The following TNFAIP8 variants were observed in gnomAD, a reference collection of about 807,000 sequenced individuals.
TNFAIP8 encodes the protein tumor necrosis factor alpha-induced protein 8.
TNFAIP8 carries 7 observed loss-of-function variants against 13.3 expected under a neutral mutation model. That is an observed-to-expected ratio of 0.52 (90% CI 0.30 to 0.99). The LOEUF is 0.99. Among genes scored for constraint, TNFAIP8 ranks in the 50% least tolerant of loss-of-function variants. The probability of loss-of-function intolerance (pLI) is 0.07; values close to 1 mark genes in which losing one functional copy is unlikely to be tolerated. For synonymous variants in TNFAIP8, 94 were observed against 87.6 expected (o/e 1.07, Z -0.41); for missense variants, 258 against 236.9 (o/e 1.09, Z -0.58).
intron 1 of TNFAIP8, among the ~76,000 whole-genome samples, chr5:119,376,991 C>T (rs1366981942): frequency 6.6e-6 from 1 of 152,136 alleles, no homozygotes; most frequent in African/African-American, 2.4e-5. Flanking sequence ...GCCTATATTG[C>T]TGCTTGACGT....
chr5:119,308,362 C>A (rs1440210536), intron 1 of TNFAIP8, among the ~76,000 whole-genome samples: 1 of 144,214 alleles, frequency 6.9e-6, no homozygotes, highest in Non-Finnish European at 1.5e-5. Context: ...GCTTTGAAAT[C>A]TATATTTTTC....
chr5:119,374,295 T>C (rs1752197650), intron 1 of TNFAIP8, among the ~76,000 whole-genome samples: 1 of 152,236 alleles, frequency 6.6e-6, no homozygotes, highest in Non-Finnish European at 1.5e-5. Context: ...CATTTTGTTT[T>C]AGTGAGTGCC....
At chr5:119,301,876 C>G (rs1360490876) in intron 1 of TNFAIP8, among the ~76,000 whole-genome samples, 1 of 152,114 alleles carries the variant, frequency 6.6e-6, no homozygotes, top group African/African-American at 2.4e-5. Context: ...TTCCCTACTC[C>G]AAGATCTCAT....
At position 119,399,368 on chromosome 5, in the gene TNFAIP8, C is replaced by G. The variant is rs929425061; in HGVS notation, c.*5987C>G. The G allele has an allele frequency of 6.6e-6, 1 of 152,154 alleles. No individual in the cohort carries two copies. The highest frequency in any genetic ancestry group is 2.4e-5 in the African/African-American group (1 of 41,434). The allele number at this position is 152,154 out of a possible 1,614,324, so 9.4% of individuals were successfully genotyped here. A position where few individuals can be genotyped will look rare whatever the true frequency, so the allele number is the denominator to read the frequency against. ...TGCATAAGAGCAATTACCTCATATTCTAATTTTAAAGATACAATTTTTAAA... is the reference window on the plus strand; with the variant it reads ...TGCATAAGAGCAATTACCTCATATTGTAATTTTAAAGATACAATTTTTAAA... On this transcript the variant is annotated 3_prime_UTR_variant, in exon 2 of 2. Transcript: ENST00000504771.
At position 119,399,379 on chromosome 5, in the gene TNFAIP8, G is replaced by T. The variant is rs545071218; in HGVS notation, c.*5998G>T. On this transcript the variant is annotated 3_prime_UTR_variant, in exon 2 of 2. Coordinates refer to ENST00000504771, the MANE Select transcript of TNFAIP8 (RefSeq NM_014350.4). ...AATTACCTCATATTCTAATTTTAAA[G>T]ATACAATTTTTAAAGACATGGAAGG... 2.6e-5 allele frequency: 4 copies of T among 152,300 alleles called. No homozygotes were observed. In the South Asian group the frequency reaches 8.3e-4, roughly 32 times the overall value. 9.4% of individuals were successfully genotyped at this position (152,300 alleles called of 1,614,324 possible).
At chr5:119,368,760 G>A (rs1412156726) in intron 1 of TNFAIP8, among the ~76,000 whole-genome samples, 1 of 152,092 alleles carries the variant, frequency 6.6e-6, no homozygotes, top group East Asian at 1.9e-4. Flanking sequence ...AATTTCATTT[G>A]CCAAACTTAG....
intron 1 of TNFAIP8, among the ~76,000 whole-genome samples, chr5:119,374,127 A>T (rs774466636): frequency 6.6e-6 from 1 of 152,222 alleles, no homozygotes; most frequent in Non-Finnish European, 1.5e-5. Flanking sequence ...CCATAAGTTA[A>T]AGTAAAATAC....
chr5:119,380,933 G>A (rs1365606444), intron 1 of TNFAIP8, among the ~76,000 whole-genome samples: 1 of 152,150 alleles, frequency 6.6e-6, no homozygotes, highest in Non-Finnish European at 1.5e-5. Context: ...AATCTTGAGA[G>A]GGAATTAAAT....
upstream of TNFAIP8, among the ~76,000 whole-genome samples, chr5:119,353,761 C>A (rs932658978): frequency 2.0e-5 from 3 of 152,128 alleles, no homozygotes; most frequent in African/African-American, 7.2e-5. Context: ...GTTGGACTTG[C>A]AAAATGACAT....
At chr5:119,298,899 C>T (rs1383015098) in intron 1 of TNFAIP8, among the ~76,000 whole-genome samples, 9 of 152,142 alleles carry the variant, frequency 5.9e-5, no homozygotes, top group African/African-American at 1.9e-4. Flanking sequence ...TTGATCTCAT[C>T]GGCTCCTGAG....
chr5:119,393,168 A>G lies in TNFAIP8; in HGVS notation c.384A>G (p.Leu128=). Residue 128 remains leucine, a synonymous_variant, in exon 2 of 2, where the codon TTA becomes TTG. Coordinates refer to ENST00000504771, the MANE Select transcript of TNFAIP8 (RefSeq NM_014350.4). ...QVDYTFDRNV[L]SRLLNECREM... is the part of the protein sequence containing the mutation. Reference sequence around the variant, plus strand: ...ATTATACCTTTGACCGGAATGTGTTATCCAGGCTGTTAAATGAATGCAGAG... The same window carrying G: ...ATTATACCTTTGACCGGAATGTGTTGTCCAGGCTGTTAAATGAATGCAGAG... The G allele has an allele frequency of 1.2e-6, 2 of 1,614,038 alleles. No homozygotes were observed. Among genetic ancestry groups the G allele is most frequent in the Non-Finnish European group, 1.7e-6 (2 of 1,179,890 alleles).
intron 1 of TNFAIP8, among the ~76,000 whole-genome samples, chr5:119,304,843 A>T (rs1407778242): frequency 2.0e-5 from 3 of 152,254 alleles, no homozygotes; most frequent in Non-Finnish European, 4.4e-5. Flanking sequence ...AAATTGATTG[A>T]AGTGATAAAT....
At chr5:119,296,193 C>T (rs1378206817) in intron 1 of TNFAIP8, among the ~76,000 whole-genome samples, 1 of 151,458 alleles carries the variant, frequency 6.6e-6, no homozygotes, top group Non-Finnish European at 1.5e-5. Flanking sequence ...GAGGGCATCC[C>T]TGTCTTGTGC....
chr5:119,318,246 A>G (rs930544148), intron 1 of TNFAIP8, among the ~76,000 whole-genome samples: 1 of 151,712 alleles, frequency 6.6e-6, no homozygotes, highest in Non-Finnish European at 1.5e-5. Flanking sequence ...GGGGATTTCA[A>G]GTGGTACCTT....
In TNFAIP8 at chr5:119,326,239, T is replaced by G. The variant is rs1191459225; in HGVS notation, c.1+57332T>G. On this transcript the variant is annotated intron_variant, in intron 1 of 1. Coordinates refer to the TNFAIP8 transcript ENST00000274456. ...TGAGGTGTGTATAGTGATGGTTACC[T>G]CTTGGAGCCAAACATGGCTATCTCT... Among the ~76,000 whole-genome samples the G allele has an allele frequency of 2.0e-5, 3 of 152,198 alleles. No homozygotes were observed. In the East Asian group the frequency reaches 5.8e-4, roughly 29 times the overall value.
intron 1 of TNFAIP8, among the ~76,000 whole-genome samples, chr5:119,382,544 T>C (rs1172786610): frequency 6.6e-6 from 1 of 152,210 alleles, no homozygotes; most frequent in Non-Finnish European, 1.5e-5. Flanking sequence ...ACGTTTACAG[T>C]ATCTACCATA....
intron 1 of TNFAIP8, among the ~76,000 whole-genome samples, chr5:119,287,855 C>T (rs957840139): frequency 1.4e-4 from 21 of 152,106 alleles, no homozygotes; most frequent in Non-Finnish European, 7.3e-5. Context: ...GTTTCTTTCC[C>T]CATGCAGGGA....
intron 1 of TNFAIP8, among the ~76,000 whole-genome samples, chr5:119,275,992 A>T (rs1268175716): frequency 6.6e-6 from 1 of 152,154 alleles, no homozygotes; most frequent in African/African-American, 2.4e-5. Context: ...AATGAGGCAG[A>T]TAGAGGAGGT....
At position 119,392,912 on chromosome 5, in the gene TNFAIP8, T is replaced by C. The variant is rs1341567954; in HGVS notation, c.128T>C (p.Ile43Thr). The C allele has an allele frequency of 1.9e-6, 3 of 1,600,926 alleles. No individual in the cohort carries two copies. Among genetic ancestry groups the C allele is most frequent in the Admixed American group, 1.7e-5 (1 of 57,802 alleles). Residue 43 changes from isoleucine to threonine, a missense_variant, in exon 2 of 2, where the codon ATA becomes ACA. Physicochemically the swap from Ile to Thr is moderately conservative, Grantham distance 89 (BLOSUM62 -1). Transcript: ENST00000504771. Reference sequence around the variant, plus strand: ...TCCAAATCCATCGCCACCACCTTAATAGACGACACAAGTAGTGAGGTGCTG... The same window carrying C: ...TCCAAATCCATCGCCACCACCTTAACAGACGACACAAGTAGTGAGGTGCTG... ...MVSKSIATTLIDDTSSEVLDE... is the reference protein window; with the variant it reads ...MVSKSIATTLTDDTSSEVLDE...
Sources: gnomAD v4.1 joint callset for allele counts (sites outside exome capture counted in the v4.1 genomes callset) on GRCh38, gnomAD v4.1.1 for gene constraint, MANE v1.5 for transcripts, NCBI Gene and HGNC (gene_info 2026-07-23, HGNC 2026-07-21) for gene names.